Variants in UBR4 observed in about 807,000 individuals in gnomAD.
The protein encoded by UBR4 is ubiquitin protein ligase E3 component n-recognin 4, also known as E3 ubiquitin-protein ligase UBR4.
In UBR4, 124 loss-of-function variants were observed where a neutral mutation model predicts 575.6. The ratio of observed to expected loss-of-function variants is 0.22; its 90% confidence interval spans 0.19 to 0.25. The LOEUF (loss-of-function observed/expected upper bound fraction) is 0.25, where lower values mean the gene tolerates loss of function less well. Ranked by LOEUF, UBR4 falls within the 10% of genes least tolerant of loss-of-function variation. The pLI is 1.00. For synonymous variants in UBR4, 2,455 were observed against 2,473.7 expected, an observed-to-expected ratio of 0.99 and a Z score of 0.22; for missense variants, 4,818 against 6,478.8, an observed-to-expected ratio of 0.74 and a Z score of 8.80.
intron 81 of UBR4, among the ~76,000 whole-genome samples, chr1:19,109,596 C>G (rs898769052): frequency 2.0e-5 from 3 of 152,236 alleles, no homozygotes; most frequent in Non-Finnish European, 4.4e-5. Context: ...ATCACTTAGT[C>G]TGCATTATGT....
chr1:19,081,388 G>A lies in UBR4; in HGVS notation c.15194C>T (p.Thr5065Ile). Residue 5065 changes from threonine to isoleucine, a missense_variant, in exon 103 of 106, where the codon ACC becomes ATC. This residue lies in a region of UBR4 where 212 missense variants were observed against 221.3 expected (regional missense o/e 0.96). Coordinates refer to ENST00000375254, the MANE Select transcript of UBR4 (RefSeq NM_020765.3). ...RVEILRRLLV[T>I]SQARAVAPGG... ...TGGAGCCACTGCCCGAGCCTGCGAGGTCACCAACAGCCTCCGCAAGATTTC... is the reference window on the plus strand; with the variant it reads ...TGGAGCCACTGCCCGAGCCTGCGAGATCACCAACAGCCTCCGCAAGATTTC... 1 of 1,612,204 alleles carries A rather than the reference G, an allele frequency of 6.2e-7. No individual in the cohort carries two copies. Among genetic ancestry groups the A allele is most frequent in the Non-Finnish European group, 8.5e-7 (1 of 1,178,928 alleles).
chr1:19,139,029 G>A lies in UBR4; in HGVS notation c.8731+54C>T. The A allele has an allele frequency of 6.5e-7, 1 of 1,539,986 alleles. No homozygotes were observed. The highest frequency in any genetic ancestry group is 8.8e-7 in the Non-Finnish European group (1 of 1,138,040). ...CCCCAAGACCCAAGCAGAGATTCCT[G>A]TTTTGTCCCCACCCTCTGCCCAAGG... is the stretch of plus-strand genomic sequence containing the variant. On this transcript the variant is annotated intron_variant, in intron 59 of 105. Coordinates refer to ENST00000375254, the MANE Select transcript of UBR4 (RefSeq NM_020765.3). This position sits in a 1 kb window ranked among gnomAD's most constrained non-coding sequence, Gnocchi z 4.2.
rs746360249 is a variant in UBR4, at chr1:19,185,119, T to C, written c.1918A>G (p.Ser640Gly). 1 of 1,614,184 alleles carries C rather than the reference T, an allele frequency of 6.2e-7. No individual in the cohort carries two copies. Among genetic ancestry groups the C allele is most frequent in the African/African-American group, 1.3e-5 (1 of 75,050 alleles). ...APGEKGNILA[S>G]RKDPELFLGL... The stretch of plus-strand genomic sequence containing the variant: ...CTTACCAACTCAGGATCTTTGCGAC[T>C]CGCCAGAATGTTGCCCTTCTCACCA... The change falls in exon 15 of 106, where the codon AGT (serine) becomes GGT (glycine). Residue 640 changes from serine (S) to glycine (G), a missense_variant. Ser to Gly is a moderately conservative substitution (Grantham distance 56, BLOSUM62 0). Coordinates refer to ENST00000375254, the MANE Select transcript of UBR4 (RefSeq NM_020765.3).
intron 20 of UBR4, 72 bp from the exon 21 acceptor site, chr1:19,175,105 C>G: frequency 2.9e-6 from 4 of 1,368,986 alleles, no homozygotes; most frequent in South Asian, 1.3e-5. Flanking sequence ...CAATGTAAAA[C>G]TCAGAAAATA....
In UBR4 at chr1:19,084,490, C is replaced by A. The variant is rs1459695194; in HGVS notation, c.15008+14G>T. ...GGTCTGCGAGATGCCGCCCCTGGGA[C>A]ACAGGGTACTGACGTGTTCAGGACG... On this transcript the variant is annotated intron_variant, in intron 102 of 105. Transcript: ENST00000375254. 1 of 1,584,722 alleles carries A rather than the reference C, an allele frequency of 6.3e-7. No individual in the cohort carries two copies. The highest frequency in any genetic ancestry group is 2.3e-5 in the East Asian group (1 of 43,920).
At chr1:19,140,366 G>T (rs2083726726) in intron 58 of UBR4, among the ~76,000 whole-genome samples, 1 of 152,214 alleles carries the variant, frequency 6.6e-6, no homozygotes, top group South Asian at 2.1e-4. Flanking sequence ...GAATTCTGAA[G>T]TATAATCTAG....
rs146107023 is a variant in UBR4, at chr1:19,160,267, G to T, written c.5421C>A (p.Phe1807Leu). The change falls in exon 39 of 106, where the codon TTC becomes TTA. Residue 1807 changes from phenylalanine to leucine, a missense_variant. Physicochemically the swap from Phe to Leu is conservative, Grantham distance 22. Around this residue, in one of 29 missense-constraint regions of UBR4, gnomAD observed 159 missense variants for 174.6 expected, o/e 0.91. Transcript: ENST00000375254. The stretch of plus-strand genomic sequence containing the variant: ...TAAGCATGTCTAACACGAGAGGAGC[G>T]AAGGAGAAATTGGCCTGAGAAAAAT... ...EELQNQANFSFAPLVLDMLNF... is the reference protein window; with the variant it reads ...EELQNQANFSLAPLVLDMLNF... The T allele has an allele frequency of 6.2e-7, 1 of 1,601,694 alleles. No homozygotes were observed. The highest frequency in any genetic ancestry group is 8.5e-7 in the Non-Finnish European group (1 of 1,174,602).
chr1:19,199,450 T>C (rs990035500), intron 3 of UBR4, among the ~76,000 whole-genome samples: 3 of 152,232 alleles, frequency 2.0e-5, no homozygotes, highest in Non-Finnish European at 4.4e-5. Context: ...AACACAGCCA[T>C]GTTCATCATT....
intron 18 of UBR4, 117 bp from the exon 19 acceptor site, chr1:19,177,860 A>C: frequency 8.1e-7 from 1 of 1,240,072 alleles, no homozygotes; most frequent in South Asian, 1.6e-5. Flanking sequence ...ATAACAAATT[A>C]AGGAAGAAAA....
chr1:19,130,564 AATT>A (rs1363390031), intron 60 of UBR4, among the ~76,000 whole-genome samples: 3 of 152,212 alleles, frequency 2.0e-5, no homozygotes, highest in African/African-American at 7.2e-5. Flanking sequence ...GTGAATTATA[AATT>A]ATTGTCATTC....
At chr1:19,149,728 C>T (rs959971574) in intron 49 of UBR4, 14 of 1,297,598 alleles carry the variant, frequency 1.1e-5, no homozygotes, top group Non-Finnish European at 1.2e-5. Flanking sequence ...GACACACACT[C>T]ACTCGTGCAG....
chr1:19,184,264 G>A (rs1310706041), intron 15 of UBR4, 89 bp from the exon 16 acceptor site: 2 of 1,362,296 alleles, frequency 1.5e-6, no homozygotes, highest in Non-Finnish European at 2.0e-6. Context: ...AATAAAATAT[G>A]CTCATAGGTA....
chr1:19,095,495 C>A (rs1217988002), intron 93 of UBR4, 50 bp downstream of exon 93: 4 of 1,573,592 alleles, frequency 2.5e-6, no homozygotes, highest in Non-Finnish European at 2.6e-6. Flanking sequence ...GTCTTTCACA[C>A]CCAGACTTCC....
At chr1:19,178,577 A>G (rs918373723) in intron 18 of UBR4, among the ~76,000 whole-genome samples, 2 of 152,252 alleles carry the variant, frequency 1.3e-5, no homozygotes. Flanking sequence ...ACTGCTTTGA[A>G]GACTTCTAAC....
intron 11 of UBR4, among the ~76,000 whole-genome samples, chr1:19,190,312 A>AAAATATATAT: frequency 1.9e-4 from 15 of 79,890 alleles, no homozygotes; most frequent in African/African-American, 6.9e-4. Context: ...AAAAAAAAAA[A>AAAATATATAT]ATATATATAT....
intron 97 of UBR4, 130 bp downstream of exon 97, chr1:19,092,689 A>G (rs1307568379): frequency 1.5e-6 from 1 of 668,690 alleles, no homozygotes; most frequent in Non-Finnish European, 2.4e-6. Context: ...ACATAGATGA[A>G]GTAGATGACT....
At chr1:19,092,720 T>C (rs1335064888) in intron 97 of UBR4, 99 bp downstream of exon 97, 1 of 968,086 alleles carries the variant, frequency 1.0e-6, no homozygotes, top group African/African-American at 1.7e-5. Flanking sequence ...ACTTCTACTC[T>C]AGAAGTCTCA....
chr1:19,144,942 AG>A (rs755250781), intron 53 of UBR4, 35 bp from the exon 54 acceptor site: 1 of 1,611,506 alleles, frequency 6.2e-7, no homozygotes, highest in Admixed American at 1.7e-5. Flanking sequence ...GAAAATCTGG[AG>A]GAAAAAACTC....
intron 69 of UBR4, among the ~76,000 whole-genome samples, 193 bp downstream of exon 69, chr1:19,119,987 C>T (rs1025317445): frequency 2.0e-5 from 3 of 152,172 alleles, no homozygotes; most frequent in Admixed American, 2.0e-4. Context: ...GAAAACAGAT[C>T]GTCTCCTGCC....
Sources: allele counts gnomAD v4.1 joint callset (sites outside exome capture counted in the v4.1 genomes callset), GRCh38; gene constraint gnomAD v4.1.1; regional missense constraint gnomAD v4.1.1; non-coding constraint Gnocchi (gnomAD v3.1); transcripts MANE v1.5; gene names NCBI Gene and HGNC (gene_info 2026-07-23, HGNC 2026-07-21).